ERP44: variants seen among roughly 807,000 people sequenced by gnomAD.
The protein encoded by ERP44 is endoplasmic reticulum resident protein 44.
A neutral mutation model predicts 53.4 loss-of-function variants in ERP44; 25 were observed. The observed-to-expected ratio is 0.47, with a 90% confidence interval of 0.34 to 0.65. The LOEUF (loss-of-function observed/expected upper bound fraction) is 0.65. ERP44 is among the 30% of genes least tolerant of loss of function. The probability of loss-of-function intolerance (pLI) is 0.01; values close to 1 mark genes in which losing one functional copy is unlikely to be tolerated. For synonymous variants in ERP44, 145 were observed against 161.2 expected, an observed-to-expected ratio of 0.90 and a Z score of 0.76; for missense variants, 338 against 493.2, an observed-to-expected ratio of 0.69 and a Z score of 2.98.
chr9:100,097,354 C>CT (rs34792707), intron 1 of ERP44, among the ~76,000 whole-genome samples: 10,850 of 150,816 alleles, frequency 0.072, 530 homozygotes, highest in Non-Finnish European at 0.1. Flanking sequence ...GATTTTTGCC[C>CT]TTTTTTTTTG....
intron 10 of ERP44, among the ~76,000 whole-genome samples, chr9:99,997,547 G>A (rs1830325790): frequency 6.6e-6 from 1 of 152,126 alleles, no homozygotes; most frequent in Non-Finnish European, 1.5e-5. Context: ...CAAATAAAGT[G>A]TCTAAAACGC....
chr9:100,026,391 A>G (rs934808993), intron 4 of ERP44, among the ~76,000 whole-genome samples: 10 of 152,332 alleles, frequency 6.6e-5, no homozygotes, highest in Middle Eastern at 6.8e-3. Context: ...CGAATTTTTA[A>G]GACAGACAGG....
intron 8 of ERP44, among the ~76,000 whole-genome samples, chr9:100,015,814 C>A (rs147805449): frequency 4.1e-4 from 62 of 152,224 alleles, no homozygotes; most frequent in African/African-American, 1.3e-3. Flanking sequence ...TAGTTAGATT[C>A]TCATAAGGAG....
rs1830595278 is a variant in ERP44 at position 100,022,027 on chromosome 9, A to G, written c.471+15T>C. On this transcript the variant is annotated intron_variant, in intron 5 of 11. Coordinates refer to ENST00000262455, the MANE Select transcript of ERP44 (RefSeq NM_015051.3). Reference sequence around the variant, plus strand: ...CAGGGAATGTTTGTTTAATCTAGCAAAAGTTACAACTTACATCAAGAGTGG... The same window carrying G: ...CAGGGAATGTTTGTTTAATCTAGCAGAAGTTACAACTTACATCAAGAGTGG... 6.2e-7 allele frequency: 1 copy of G among 1,601,888 alleles called. No homozygotes were observed. Among genetic ancestry groups the G allele is most frequent in the South Asian group, 1.1e-5 (1 of 88,554 alleles).
intron 11 of ERP44, among the ~76,000 whole-genome samples, chr9:99,984,392 G>A (rs1830177195): frequency 6.6e-6 from 1 of 151,394 alleles, no homozygotes; most frequent in Admixed American, 6.6e-5. Flanking sequence ...GTTACAAGGT[G>A]GAAACAGTAA....
chr9:100,068,077 T>G (rs1311178829), intron 1 of ERP44, among the ~76,000 whole-genome samples: 3 of 116,894 alleles, frequency 2.6e-5, no homozygotes, highest in Admixed American at 9.0e-5. Flanking sequence ...GGGAGGGAGG[T>G]GGGGGAGTCA....
chr9:100,013,796 T>C lies in ERP44; in HGVS notation c.762+2526A>G, dbSNP rs150613334. On this transcript the variant is annotated intron_variant, in intron 8 of 11. Transcript: ENST00000262455. ...CTCAGCAATTCTATTCATAGGTATA[T>C]ATATCCAGTAGAAATCTGTGCATAT... Among the ~76,000 whole-genome samples, 26 of 152,338 alleles carry C rather than the reference T, an allele frequency of 1.7e-4. No homozygotes were observed. In the East Asian group the frequency reaches 2.9e-3, roughly 17 times the overall value.
chr9:100,002,097 C>G (rs1830383882), intron 10 of ERP44, among the ~76,000 whole-genome samples: 1 of 148,654 alleles, frequency 6.7e-6, no homozygotes, highest in South Asian at 2.1e-4. Context: ...ATGCTCATAA[C>G]AGGCTATTTT....
chr9:100,022,778 G>C (rs1248031293), intron 4 of ERP44, among the ~76,000 whole-genome samples: 1 of 152,068 alleles, frequency 6.6e-6, no homozygotes, highest in Non-Finnish European at 1.5e-5. Context: ...ATTCTCTCTA[G>C]CATAGGCAAT....
chr9:100,061,113 T>C (rs1394310710), intron 1 of ERP44, among the ~76,000 whole-genome samples: 1 of 152,220 alleles, frequency 6.6e-6, no homozygotes, highest in African/African-American at 2.4e-5. Context: ...AGAGATACAA[T>C]GATGCTAGTA....
intron 10 of ERP44, among the ~76,000 whole-genome samples, chr9:99,999,982 C>A (rs1587958336): frequency 6.6e-6 from 1 of 152,150 alleles, no homozygotes; most frequent in South Asian, 2.1e-4. Flanking sequence ...AAAAGTGCAC[C>A]TTTTTTGCAC....
chr9:100,091,792 TA>T (rs1587987657), intron 1 of ERP44, among the ~76,000 whole-genome samples: 2 of 152,224 alleles, frequency 1.3e-5, no homozygotes, highest in African/African-American at 4.8e-5. Flanking sequence ...CATCTGGGTA[TA>T]AGTTCTTAAA....
At chr9:100,080,096 A>G (rs1367121912) in intron 1 of ERP44, among the ~76,000 whole-genome samples, 1 of 152,168 alleles carries the variant, frequency 6.6e-6, no homozygotes, top group African/African-American at 2.4e-5. Context: ...TGCTTTATTT[A>G]GGTCAAAATC....
At chr9:100,073,976 T>C (rs2118738384) in intron 1 of ERP44, among the ~76,000 whole-genome samples, 1 of 152,356 alleles carries the variant, frequency 6.6e-6, no homozygotes, top group Non-Finnish European at 1.5e-5. Flanking sequence ...CAAATTAATG[T>C]ATCCCAGTTT....
intron 3 of ERP44, among the ~76,000 whole-genome samples, chr9:100,056,117 TCA>T (rs981011603): frequency 6.6e-6 from 1 of 152,208 alleles, no homozygotes; most frequent in African/African-American, 2.4e-5. Flanking sequence ...ACAAAATCTC[TCA>T]GTCAGGAGAA....
Position 100,098,764 on chromosome 9 carries a change from T to C in ERP44, c.57+20A>G, listed in dbSNP as rs778405419. On this transcript the variant is annotated intron_variant, in intron 1 of 11. Coordinates refer to ENST00000262455, the MANE Select transcript of ERP44 (RefSeq NM_015051.3). ...GGCCGTTCGTGCGTTTGTCGATGGG[T>C]CTGTCATTCCCTCACTCACCAGGAG... 1.6e-5 allele frequency: 25 copies of C among 1,609,804 alleles called. No individual in the cohort carries two copies. The Admixed American group carries it at 4.2e-4, about 27-fold the overall frequency.
intron 4 of ERP44, among the ~76,000 whole-genome samples, chr9:100,031,562 G>A (rs1000947555): frequency 3.9e-5 from 6 of 152,068 alleles, no homozygotes; most frequent in Non-Finnish European, 5.9e-5. Flanking sequence ...CCCTCTCCAC[G>A]AACCATCTTG....
At chr9:100,079,686 T>C (rs972584655) in intron 1 of ERP44, among the ~76,000 whole-genome samples, 4 of 152,096 alleles carry the variant, frequency 2.6e-5, no homozygotes, top group African/African-American at 9.7e-5. Context: ...CTCATGCCTA[T>C]AATCCCAGCA....
intron 1 of ERP44, among the ~76,000 whole-genome samples, chr9:100,089,174 C>T (rs1826520250): frequency 6.6e-6 from 1 of 152,164 alleles, no homozygotes. Flanking sequence ...AGACATAACC[C>T]GCCCCTTATC....
Sources: allele counts gnomAD v4.1 joint callset (sites outside exome capture counted in the v4.1 genomes callset), GRCh38; gene constraint gnomAD v4.1.1; transcripts MANE v1.5; gene names NCBI Gene and HGNC (gene_info 2026-07-23, HGNC 2026-07-21).